Variants in PIWIL2 observed in about 807,000 individuals in gnomAD.
The protein encoded by PIWIL2 is piwi-like protein 2.
PIWIL2 carries 81 observed loss-of-function variants against 116.5 expected under a neutral mutation model. The ratio of observed to expected loss-of-function variants is 0.70; its 90% CI spans 0.58 to 0.84. The LOEUF (loss-of-function observed/expected upper bound fraction) is 0.84. Ranked by LOEUF, PIWIL2 falls within the 40% of genes least tolerant of loss-of-function variation. The pLI, the probability that PIWIL2 is intolerant of heterozygous loss-of-function variation, is 0.00. For synonymous variants in PIWIL2, 489 were observed against 429.5 expected (o/e 1.14, Z -1.71); for missense variants, 1,272 against 1,212.3 (o/e 1.05, Z -0.73).
chr8:22,293,097 A>G (rs1830801774), intron 10 of PIWIL2, among the ~76,000 whole-genome samples: 1 of 152,000 alleles, frequency 6.6e-6, no homozygotes, highest in Admixed American at 6.5e-5. Flanking sequence ...GCTTTTATAT[A>G]TTTATTTTTC....
chr8:22,347,070 C>T (rs1563429696), intron 20 of PIWIL2, among the ~76,000 whole-genome samples: 1 of 150,968 alleles, frequency 6.6e-6, no homozygotes, highest in African/African-American at 2.4e-5. Flanking sequence ...ACTCAGGAGG[C>T]TGAGGTAAGA....
intron 15 of PIWIL2, among the ~76,000 whole-genome samples, chr8:22,310,807 A>C (rs1313244324): frequency 1.3e-5 from 2 of 152,102 alleles, no homozygotes; most frequent in East Asian, 3.9e-4. Context: ...TACTTTACAT[A>C]TACATGGAAT....
At chr8:22,340,800 C>T (rs778403217) in intron 20 of PIWIL2, among the ~76,000 whole-genome samples, 2 of 152,082 alleles carry the variant, frequency 1.3e-5, no homozygotes, top group African/African-American at 2.4e-5. Context: ...AGCTCACTAC[C>T]TCCCAGGCTG....
chr8:22,340,846 G>T (rs1392016113), intron 20 of PIWIL2, among the ~76,000 whole-genome samples: 1 of 152,036 alleles, frequency 6.6e-6, no homozygotes, highest in East Asian at 1.9e-4. Flanking sequence ...CAAGTAGCTG[G>T]GTCTACAGGA....
chr8:22,310,335 C>A (rs1040396079), intron 15 of PIWIL2, among the ~76,000 whole-genome samples: 6 of 152,192 alleles, frequency 3.9e-5, no homozygotes, highest in African/African-American at 1.4e-4. Context: ...TACCCACTCT[C>A]CCTTCTTTCT....
intron 20 of PIWIL2, among the ~76,000 whole-genome samples, chr8:22,350,760 G>T (rs952295154): frequency 6.6e-6 from 1 of 152,148 alleles, no homozygotes; most frequent in African/African-American, 2.4e-5. Flanking sequence ...TCAGCACTTT[G>T]GGAGGCTGAG....
chr8:22,276,023 C>T (rs1313137165), intron 1 of PIWIL2: 1 of 152,390 alleles, frequency 6.6e-6, no homozygotes, highest in Middle Eastern at 3.4e-3. Flanking sequence ...CCGTCCAGCG[C>T]TTCTGAGTAT....
chr8:22,318,164 C>A lies in PIWIL2; in HGVS notation c.2298-6C>A. The A allele has an allele frequency of 6.3e-6, 10 of 1,586,952 alleles. No homozygotes were observed. Among genetic ancestry groups the A allele is most frequent in the Non-Finnish European group, 8.7e-6 (10 of 1,155,554 alleles). ...TTCTCTGTCTCTCTGCTCACCCTGACCCTAGCACCCTCACAAAATGGTATT... is the reference window on the plus strand; with the variant it reads ...TTCTCTGTCTCTCTGCTCACCCTGAACCTAGCACCCTCACAAAATGGTATT... On this transcript the variant is annotated splice_region_variant and splice_polypyrimidine_tract_variant and intron_variant, in intron 19 of 22. Coordinates refer to ENST00000356766, the MANE Select transcript of PIWIL2 (RefSeq NM_018068.5).
At chr8:22,306,059 G>C in intron 13 of PIWIL2, 43 bp downstream of exon 13, 1 of 1,389,796 alleles carries the variant, frequency 7.2e-7, no homozygotes, top group Non-Finnish European at 1.0e-6. Flanking sequence ...CACTTTGTGA[G>C]GCAGCCTTTT....
At chr8:22,304,260 C>T (rs773761770) in intron 11 of PIWIL2, 51 bp downstream of exon 11, 18 of 1,175,904 alleles carry the variant, frequency 1.5e-5, no homozygotes, top group Non-Finnish European at 2.5e-6. Flanking sequence ...TGGATGTAGT[C>T]CACGTTCTCC....
rs1832508099 is a variant in PIWIL2 at position 22,357,260 on chromosome 8, T to C, written c.*1755T>C. On this transcript the variant is annotated 3_prime_UTR_variant, in exon 23 of 23. Transcript: ENST00000356766. ...ATTGTTGGTGCACTGCTGGTTTCAT[T>C]TGGAGTGTGGGACATTAGGGTGAGA... is the stretch of plus-strand genomic sequence containing the variant. 1 of 152,130 alleles carries C rather than the reference T, an allele frequency of 6.6e-6. No individual in the cohort carries two copies. The highest frequency in any genetic ancestry group is 6.6e-5 in the Admixed American group (1 of 15,266). 9.4% of individuals were successfully genotyped at this position (152,130 alleles called of 1,614,324 possible). A position where few individuals can be genotyped will look rare whatever the true frequency, so the allele number is the denominator to read the frequency against.
chr8:22,338,475 G>C (rs1453664804), intron 20 of PIWIL2, among the ~76,000 whole-genome samples: 1 of 152,072 alleles, frequency 6.6e-6, no homozygotes, highest in Non-Finnish European at 1.5e-5. Context: ...CGGATCACCT[G>C]AGGTCAAGAG....
chr8:22,290,015 G>A (rs1315874859), intron 9 of PIWIL2, 88 bp downstream of exon 9: 14 of 892,618 alleles, frequency 1.6e-5, no homozygotes, highest in Non-Finnish European at 2.6e-5. Context: ...TATAATGTCA[G>A]CAGTAGTTTA....
At chr8:22,281,278 A>G (rs761521954) in intron 3 of PIWIL2, 71 bp downstream of exon 3, 212 of 1,550,600 alleles carry the variant, frequency 1.4e-4, no homozygotes, top group Non-Finnish European at 1.7e-4. Flanking sequence ...CAAATGGTTT[A>G]TTTTCAGAAA....
At chr8:22,355,067 C>CAA (rs775081187) in intron 22 of PIWIL2, among the ~76,000 whole-genome samples, 4 of 101,234 alleles carry the variant, frequency 4.0e-5, no homozygotes, top group Admixed American at 1.1e-4. Context: ...AAGACTCTGT[C>CAA]AAAAAAAAAA....
chr8:22,302,522 G>A (rs1831075581), intron 10 of PIWIL2, among the ~76,000 whole-genome samples: 1 of 152,006 alleles, frequency 6.6e-6, no homozygotes, highest in Non-Finnish European at 1.5e-5. Context: ...TCCATATTGA[G>A]ACTAAAGACT....
Position 22,279,424 on chromosome 8 carries a change from C to G in PIWIL2, c.38C>G (p.Pro13Arg). The change falls in exon 2 of 23, where the codon CCT becomes CGT. Residue 13 changes from proline (P) to arginine (R), a missense_variant. Coordinates refer to ENST00000356766, the MANE Select transcript of PIWIL2 (RefSeq NM_018068.5). ...CGACCATCGTTCAGGGGCCAGTCTCCTATCCACCCATCCCAGTGCCAGGCT... is the reference window on the plus strand; with the variant it reads ...CGACCATCGTTCAGGGGCCAGTCTCGTATCCACCCATCCCAGTGCCAGGCT... ...PFRPSFRGQS[P>R]IHPSQCQAVR... 2 of 1,614,206 alleles carry G rather than the reference C, an allele frequency of 1.2e-6. No individual in the cohort carries two copies. Among genetic ancestry groups the G allele is most frequent in the Non-Finnish European group, 1.7e-6 (2 of 1,180,012 alleles).
rs570013345 is a variant in PIWIL2 at position 22,296,474 on chromosome 8, A to G, written c.1181+6128A>G. On this transcript the variant is annotated intron_variant, in intron 10 of 22. Transcript: ENST00000356766. ...TCCAGAAGAAGTATGCATTGGAGGA[A>G]ATTATTTTCAGACCTTACATGTTTG... 1.1e-4 allele frequency among the ~76,000 whole-genome samples: 16 copies of G among 152,290 alleles called. No homozygotes were observed. The East Asian group carries it at 2.1e-3, about 20-fold the overall frequency.
intron 20 of PIWIL2, among the ~76,000 whole-genome samples, chr8:22,339,034 A>G (rs76729134): frequency 0.05 from 7,551 of 152,308 alleles, 289 homozygotes; most frequent in Admixed American, 0.086. Flanking sequence ...CCATGGGCCT[A>G]TGGCCGGTTA....
Sources: gnomAD v4.1 joint callset for allele counts (sites outside exome capture counted in the v4.1 genomes callset) on GRCh38, gnomAD v4.1.1 for gene constraint, MANE v1.5 for transcripts, NCBI Gene and HGNC (gene_info 2026-07-23, HGNC 2026-07-21) for gene names.